Variants in CEMIP observed in about 807,000 individuals in gnomAD.
The protein encoded by CEMIP is cell migration inducing hyaluronidase 1.
In CEMIP, 105 loss-of-function variants were observed where a neutral mutation model predicts 156.9. That is an observed-to-expected ratio of 0.67 (90% CI 0.57 to 0.79). CEMIP has a LOEUF of 0.79. Ranked by LOEUF, CEMIP falls within the 30% of genes least tolerant of loss-of-function variation. The probability of loss-of-function intolerance (pLI) is 0.00; values close to 1 mark genes in which losing one functional copy is unlikely to be tolerated. For synonymous variants in CEMIP, 676 were observed against 668.4 expected (o/e 1.01, Z -0.17); for missense variants, 1,457 against 1,769.4 (o/e 0.82, Z 3.17).
chr15:80,921,861 A>C (rs1900484775), intron 16 of CEMIP, 148 bp from the exon 17 acceptor site: 3 of 894,320 alleles, frequency 3.4e-6, no homozygotes, highest in Non-Finnish European at 5.6e-6. Flanking sequence ...GACCACATGG[A>C]GGTGTGTTGG....
At chr15:80,882,510 C>T (rs1898696488) in intron 6 of CEMIP, among the ~76,000 whole-genome samples, 1 of 152,202 alleles carries the variant, frequency 6.6e-6, no homozygotes, top group Non-Finnish European at 1.5e-5. Context: ...AGAGGATGTC[C>T]TCTTCAATTG....
intron 1 of CEMIP, among the ~76,000 whole-genome samples, chr15:80,792,852 A>G (rs1896116646): frequency 6.6e-6 from 1 of 152,184 alleles, no homozygotes; most frequent in South Asian, 2.1e-4. Context: ...ATCAGGAACT[A>G]GTCCATCTCA....
intron 12 of CEMIP, among the ~76,000 whole-genome samples, chr15:80,898,117 T>C (rs1899307449): frequency 1.3e-5 from 2 of 152,236 alleles, no homozygotes; most frequent in South Asian, 2.1e-4. Flanking sequence ...TCACATTCTA[T>C]GAAGACGTTT....
chr15:80,819,902 A>G (rs1279668385), intron 1 of CEMIP, among the ~76,000 whole-genome samples: 2 of 152,310 alleles, frequency 1.3e-5, no homozygotes, highest in East Asian at 3.9e-4. Flanking sequence ...CTTGGTCACA[A>G]TAGGACAGAG....
At chr15:80,861,970 G>T (rs913513937) in intron 1 of CEMIP, among the ~76,000 whole-genome samples, 1 of 152,148 alleles carries the variant, frequency 6.6e-6, no homozygotes, top group African/African-American at 2.4e-5. Context: ...TTAGCTGCCG[G>T]CTCTGAGGAG....
intron 1 of CEMIP, among the ~76,000 whole-genome samples, chr15:80,868,531 G>C (rs146159827): frequency 2.0e-5 from 3 of 152,174 alleles, no homozygotes; most frequent in African/African-American, 7.2e-5. Context: ...ACAGGTGCAC[G>C]CTGAAGTTTG....
chr15:80,942,833 A>T (rs1469674514), intron 27 of CEMIP, 112 bp from the exon 28 acceptor site: 11 of 1,256,188 alleles, frequency 8.8e-6, no homozygotes, highest in Non-Finnish European at 1.2e-5. Flanking sequence ...TTACGCTTCA[A>T]ATAGATGCAT....
intron 1 of CEMIP, among the ~76,000 whole-genome samples, chr15:80,837,238 G>A (rs1407255940): frequency 2.0e-5 from 3 of 152,202 alleles, no homozygotes; most frequent in Non-Finnish European, 4.4e-5. Context: ...CGCACAGATG[G>A]GGGAGAGTGA....
At chr15:80,872,131 T>G (rs1472903005) in intron 1 of CEMIP, among the ~76,000 whole-genome samples, 1 of 152,346 alleles carries the variant, frequency 6.6e-6, no homozygotes, top group South Asian at 2.1e-4. Flanking sequence ...AGCTTCACTT[T>G]GAACCGAAAG....
chr15:80,809,338 G>A (rs527886354), intron 1 of CEMIP, among the ~76,000 whole-genome samples: 2 of 152,200 alleles, frequency 1.3e-5, no homozygotes, highest in African/African-American at 4.8e-5. Context: ...TCTTGCAAAA[G>A]AATGTTTATT....
At chr15:80,919,882 T>A (rs1900407329) in intron 14 of CEMIP, among the ~76,000 whole-genome samples, 1 of 152,142 alleles carries the variant, frequency 6.6e-6, no homozygotes, top group South Asian at 2.1e-4. Flanking sequence ...TGTGTCATCT[T>A]CATCTCCAAA....
At chr15:80,823,221 G>A (rs1257650074) in intron 1 of CEMIP, among the ~76,000 whole-genome samples, 8 of 152,180 alleles carry the variant, frequency 5.3e-5, no homozygotes, top group Admixed American at 5.2e-4. Flanking sequence ...GTCTCGGCCT[G>A]TGTGGTTTTT....
intron 1 of CEMIP, among the ~76,000 whole-genome samples, chr15:80,790,149 C>A (rs1356694826): frequency 6.6e-6 from 1 of 152,122 alleles, no homozygotes; most frequent in Non-Finnish European, 1.5e-5. Context: ...GAGACAGGAC[C>A]CCTACTTGGC....
At chr15:80,820,838 G>A (rs1170541960) in intron 1 of CEMIP, among the ~76,000 whole-genome samples, 2 of 152,160 alleles carry the variant, frequency 1.3e-5, no homozygotes, top group African/African-American at 4.8e-5. Context: ...GTAAACATGG[G>A]AATACTTAGG....
At chr15:80,808,948 A>T (rs1896587004) in intron 1 of CEMIP, among the ~76,000 whole-genome samples, 1 of 152,164 alleles carries the variant, frequency 6.6e-6, no homozygotes, top group Admixed American at 6.5e-5. Context: ...ATAGAAAGAA[A>T]TGCCAGTGAT....
intron 1 of CEMIP, among the ~76,000 whole-genome samples, chr15:80,838,313 G>A (rs781665416): frequency 9.2e-5 from 14 of 152,204 alleles, no homozygotes; most frequent in East Asian, 3.9e-4. Flanking sequence ...CTGCTGGCCC[G>A]TGGGTGATGC....
At chr15:80,917,035 G>A (rs1013390967) in intron 14 of CEMIP, among the ~76,000 whole-genome samples, 1 of 152,180 alleles carries the variant, frequency 6.6e-6, no homozygotes, top group South Asian at 2.1e-4. Context: ...CTAAGTCTGC[G>A]TCACTTATAG....
intron 1 of CEMIP, among the ~76,000 whole-genome samples, chr15:80,789,881 A>G (rs908754600): frequency 6.6e-6 from 1 of 152,228 alleles, no homozygotes; most frequent in African/African-American, 2.4e-5. Context: ...AAAAGATGAT[A>G]CTTCCGTTGA....
intron 1 of CEMIP, among the ~76,000 whole-genome samples, chr15:80,873,109 T>G (rs1472554968): frequency 6.6e-6 from 1 of 152,212 alleles, no homozygotes; most frequent in Non-Finnish European, 1.5e-5. Context: ...TCTGCTATAT[T>G]GGCCAGAGCT....
Sources: allele counts gnomAD v4.1 joint callset (sites outside exome capture counted in the v4.1 genomes callset), GRCh38; gene constraint gnomAD v4.1.1; transcripts MANE v1.5; gene names NCBI Gene and HGNC (gene_info 2026-07-23, HGNC 2026-07-21).